TSHZ2: variants seen among roughly 807,000 people sequenced by gnomAD.
TSHZ2 encodes teashirt homolog 2.
Under a neutral mutation model 74.4 loss-of-function variants are expected in TSHZ2, and 21 were observed. That is an observed-to-expected ratio of 0.28 (90% confidence interval 0.20 to 0.41). The LOEUF (loss-of-function observed/expected upper bound fraction) is 0.41, where lower values mean the gene tolerates loss of function less well. Ranked by LOEUF, TSHZ2 falls within the 10% of genes least tolerant of loss-of-function variation. The pLI, the probability that TSHZ2 is intolerant of heterozygous loss-of-function variation, is 1.00. For synonymous variants in TSHZ2, 540 were observed against 515.3 expected, an observed-to-expected ratio of 1.05 and a Z score of -0.65; for missense variants, 1,244 against 1,293.5, an observed-to-expected ratio of 0.96 and a Z score of 0.59.
chr20:53,291,068 G>C (rs759837577), intron 2 of TSHZ2, among the ~76,000 whole-genome samples: 1 of 152,140 alleles, frequency 6.6e-6, no homozygotes, highest in South Asian at 2.1e-4. Flanking sequence ...AGATGTGAGC[G>C]TAGGGGAGAA....
chr20:53,100,803 G>A (rs1038138503), intron 1 of TSHZ2, among the ~76,000 whole-genome samples: 11 of 152,174 alleles, frequency 7.2e-5, no homozygotes, highest in African/African-American at 2.4e-4. Flanking sequence ...CCTCGCTTAA[G>A]GCAAAGTAAT....
At chr20:53,190,086 A>AATATGTATATAT (rs1988692018) in intron 1 of TSHZ2, among the ~76,000 whole-genome samples, 1 of 25,064 alleles carries the variant, frequency 4.0e-5, no homozygotes, top group Non-Finnish European at 1.0e-4. Context: ...CCCTGTCTCA[A>AATATGTATATAT]ATATATATAT....
intron 1 of TSHZ2, among the ~76,000 whole-genome samples, chr20:53,224,596 T>A (rs1268800919): frequency 1.3e-5 from 2 of 152,178 alleles, no homozygotes; most frequent in Non-Finnish European, 2.9e-5. Context: ...ATGCCTGTAA[T>A]CCCAGCACTT....
chr20:53,198,948 AC>A (rs1470743503), intron 1 of TSHZ2, among the ~76,000 whole-genome samples: 1 of 151,970 alleles, frequency 6.6e-6, no homozygotes, highest in Non-Finnish European at 1.5e-5. Context: ...CACTGCTGAA[AC>A]TCACAAGAAA....
intron 2 of TSHZ2, among the ~76,000 whole-genome samples, chr20:53,265,490 T>C (rs1306536487): frequency 2.6e-5 from 4 of 152,104 alleles, no homozygotes; most frequent in Non-Finnish European, 5.9e-5. Context: ...TGCTGTTCCT[T>C]TCCTCCTCCA....
intron 1 of TSHZ2, among the ~76,000 whole-genome samples, chr20:53,232,583 A>G (rs1473679103): frequency 6.6e-6 from 1 of 152,232 alleles, no homozygotes; most frequent in Non-Finnish European, 1.5e-5. Flanking sequence ...TGTGTTAAAT[A>G]TTGAATTAGC....
rs934572934 is a variant in TSHZ2, at chr20:53,247,429, G to T, written c.41-6070G>T. 1.4e-4 allele frequency among the ~76,000 whole-genome samples: 21 copies of T among 152,238 alleles called. No individual in the cohort carries two copies. The South Asian group carries it at 4.4e-3, about 32-fold the overall frequency. ...GATCCCTCCACATGGCCCTCCAAGA[G>T]GCCCTCACTCCAGGCCTGGCTACCC... On this transcript the variant is annotated intron_variant, in intron 1 of 2. Transcript: ENST00000371497.
At chr20:53,104,751 C>T (rs575006493) in intron 1 of TSHZ2, among the ~76,000 whole-genome samples, 26 of 152,324 alleles carry the variant, frequency 1.7e-4, no homozygotes, top group African/African-American at 5.8e-4. Context: ...TGGCAGTGAT[C>T]AATCACCCCC....
chr20:53,088,729 A>G (rs1042238680), intron 1 of TSHZ2, among the ~76,000 whole-genome samples: 1 of 152,094 alleles, frequency 6.6e-6, no homozygotes, highest in Non-Finnish European at 1.5e-5. Context: ...TTCAATGTCT[A>G]GTTTTTGTAA....
At chr20:53,386,011 A>G (rs574630501) in intron 2 of TSHZ2, among the ~76,000 whole-genome samples, 13 of 152,260 alleles carry the variant, frequency 8.5e-5, no homozygotes, top group Admixed American at 7.8e-4. Flanking sequence ...TTAAGACAGC[A>G]TTCCAATTGG....
At chr20:53,353,197 G>A (rs1236940913) in intron 2 of TSHZ2, among the ~76,000 whole-genome samples, 1 of 152,156 alleles carries the variant, frequency 6.6e-6, no homozygotes, top group East Asian at 1.9e-4. Flanking sequence ...AAATCAGGTT[G>A]GAAGATGGCC....
intron 2 of TSHZ2, among the ~76,000 whole-genome samples, chr20:53,469,045 T>TTTTATATATATA (rs1415631017): frequency 4.1e-4 from 20 of 49,126 alleles, no homozygotes; most frequent in East Asian, 4.0e-3. Context: ...AATCGATATT[T>TTTTATATATATA]TATATATATA....
intron 1 of TSHZ2, among the ~76,000 whole-genome samples, chr20:53,002,651 A>T (rs1384820409): frequency 7.3e-6 from 1 of 137,264 alleles, no homozygotes; most frequent in Non-Finnish European, 1.6e-5. Flanking sequence ...TTTATAAAAA[A>T]TAAATTTATA....
rs188025062 is a variant in TSHZ2, at chr20:53,056,495, G to T, written c.40+83162G>T. Among the ~76,000 whole-genome samples the T allele has an allele frequency of 3.1e-3, 478 of 152,304 alleles. 1 individual carries two copies. The highest frequency in any genetic ancestry group is 0.012 in the South Asian group (56 of 4,824). ...ATTTGTCAAGTAAAGAAAGACTACA[G>T]GTTCAACTGACTTCTAAGTTAGCAA... On this transcript the variant is annotated intron_variant, in intron 1 of 2. Coordinates refer to ENST00000371497, the MANE Select transcript of TSHZ2 (RefSeq NM_173485.6).
intron 2 of TSHZ2, among the ~76,000 whole-genome samples, chr20:53,316,059 G>T (rs894824871): frequency 1.3e-5 from 2 of 152,242 alleles, no homozygotes; most frequent in Admixed American, 1.3e-4. Context: ...TCCAGTAACA[G>T]AAGCCAGGAT....
intron 2 of TSHZ2, among the ~76,000 whole-genome samples, chr20:53,282,246 AGAG>A (rs1991075463): frequency 6.6e-6 from 1 of 152,266 alleles, no homozygotes; most frequent in South Asian, 2.1e-4. Flanking sequence ...GATCAAAAGA[AGAG>A]GTGACTTTCA....
intron 2 of TSHZ2, among the ~76,000 whole-genome samples, chr20:53,319,372 A>G (rs200647): frequency 0.5 from 75,303 of 152,122 alleles, 18,972 homozygotes; most frequent in Non-Finnish European, 0.55. Context: ...GAAACCTTTA[A>G]GTTACTATGA....
chr20:53,352,063 A>G (rs910511102), intron 2 of TSHZ2, among the ~76,000 whole-genome samples: 1 of 152,260 alleles, frequency 6.6e-6, no homozygotes, highest in African/African-American at 2.4e-5. Flanking sequence ...CTATAAGATT[A>G]TCCTTCACTG....
rs1249036903 is a variant in TSHZ2, at chr20:53,490,265, A to AGG, written c.*3132_*3133dup. On this transcript the variant is annotated 3_prime_UTR_variant, in exon 3 of 3. Transcript: ENST00000371497. ...GCATGTTACAAGGCACTGGTGGCAC[A>AGG]GGGCACAACAGGAAATGATATTTAT... The AGG allele has an allele frequency of 1.3e-5, 2 of 152,256 alleles. No individual in the cohort carries two copies. Among genetic ancestry groups the AGG allele is most frequent in the Non-Finnish European group, 2.9e-5 (2 of 68,044 alleles). 9.4% of individuals were successfully genotyped at this position (152,256 alleles called of 1,614,324 possible).
Sources: gnomAD v4.1 joint callset for allele counts (sites outside exome capture counted in the v4.1 genomes callset) on GRCh38, gnomAD v4.1.1 for gene constraint, MANE v1.5 for transcripts, NCBI Gene and HGNC (gene_info 2026-07-23, HGNC 2026-07-21) for gene names.